ADGRL2: variants seen among roughly 807,000 people sequenced by gnomAD.
ADGRL2 encodes the protein calcium-independent alpha-latrotoxin receptor 2.
ADGRL2 carries 44 observed loss-of-function variants against 157.4 expected under a neutral mutation model. The ratio of observed to expected loss-of-function variants is 0.28; its 90% confidence interval spans 0.22 to 0.36. ADGRL2 has a LOEUF of 0.36. Among genes scored for constraint, ADGRL2 ranks in the 10% least tolerant of loss-of-function variants. The probability of loss-of-function intolerance (pLI) is 1.00; values close to 1 mark genes in which losing one functional copy is unlikely to be tolerated. For synonymous variants in ADGRL2, 585 were observed against 624.7 expected, an observed-to-expected ratio of 0.94 and a Z score of 0.95; for missense variants, 1,510 against 1,768.9, an observed-to-expected ratio of 0.85 and a Z score of 2.63.
chr1:81,541,053 T>A (rs1424171513), intron 2 of ADGRL2, among the ~76,000 whole-genome samples: 2 of 152,204 alleles, frequency 1.3e-5, no homozygotes, highest in Admixed American at 6.5e-5. Flanking sequence ...GTGAATGATA[T>A]ATTGCCCCTG....
At chr1:81,872,729 G>C (rs1172315297) in intron 2 of ADGRL2, among the ~76,000 whole-genome samples, 3 of 152,014 alleles carry the variant, frequency 2.0e-5, no homozygotes, top group Non-Finnish European at 4.4e-5. Flanking sequence ...GCCAAGAGAG[G>C]ACACTTAGCT....
In ADGRL2 at chr1:81,960,506, C is replaced by T. The variant is rs543873763; in HGVS notation, c.2017+4446C>T. Among the ~76,000 whole-genome samples, 12 of 150,546 alleles carry T rather than the reference C, an allele frequency of 8.0e-5. No homozygotes were observed. In the South Asian group the frequency reaches 2.5e-3, roughly 32 times the overall value. Reference sequence around the variant, plus strand: ...TTTTCTTTTTTTGAGCCAGAATCTTCCTCTGTTGCCCAGGCTGGAGTGCAG... The same window carrying T: ...TTTTCTTTTTTTGAGCCAGAATCTTTCTCTGTTGCCCAGGCTGGAGTGCAG... On this transcript the variant is annotated intron_variant, in intron 11 of 23. Transcript: ENST00000686636.
chr1:81,908,012 C>T lies in ADGRL2; in HGVS notation c.287+782C>T, dbSNP rs564800653. Among the ~76,000 whole-genome samples, 6 of 152,188 alleles carry T rather than the reference C, an allele frequency of 3.9e-5. No individual in the cohort carries two copies. The South Asian group carries it at 6.2e-4, about 16-fold the overall frequency. Reference sequence around the variant, plus strand: ...AGTGACCTCTTAGCCATCATCAAGTCGTAGTGTGACGCATTATCTTTTCTA... The same window carrying T: ...AGTGACCTCTTAGCCATCATCAAGTTGTAGTGTGACGCATTATCTTTTCTA... On this transcript the variant is annotated intron_variant, in intron 3 of 23. Transcript: ENST00000686636.
At chr1:81,952,953 TA>T in intron 9 of ADGRL2, 33 bp from the exon 10 acceptor site, 1 of 1,563,252 alleles carries the variant, frequency 6.4e-7, no homozygotes, top group Non-Finnish European at 8.8e-7. Flanking sequence ...GATAAAAATC[TA>T]ACCTCTGATT....
intron 17 of ADGRL2, among the ~76,000 whole-genome samples, chr1:81,976,835 G>GT (rs1182556996): frequency 4.0e-5 from 6 of 151,894 alleles, no homozygotes; most frequent in Non-Finnish European, 7.4e-5. Context: ...TCAGGCAGAA[G>GT]TCATTTGATG....
In ADGRL2 at chr1:81,343,087, C is replaced by CTTTTTT. The variant is rs764039251; in HGVS notation, c.-302+36582_-302+36583insTTTTTT. Among the ~76,000 whole-genome samples the CTTTTTT allele has an allele frequency of 1.0e-4, 13 of 127,482 alleles. 1 individual carries two copies. The highest frequency in any genetic ancestry group is 2.1e-4 in the African/African-American group (7 of 34,074). 83.6% of individuals were successfully genotyped at this position (127,482 alleles called of 152,430 possible). ...TTTTTCTTTTCTTTTTTTCTTTTTT[C>CTTTTTT]TTTTCTTTTTTTTTTTTTTGAGACA... is the stretch of plus-strand genomic sequence containing the variant. On this transcript the variant is annotated intron_variant, in intron 1 of 24. Coordinates refer to the ADGRL2 transcript ENST00000370721.
intron 1 of ADGRL2, among the ~76,000 whole-genome samples, chr1:81,438,490 G>T (rs2077449483): frequency 6.6e-6 from 1 of 152,194 alleles, no homozygotes; most frequent in Non-Finnish European, 1.5e-5. Flanking sequence ...GTACAATATA[G>T]ACTATCTCTT....
chr1:81,908,201 T>C lies in ADGRL2; in HGVS notation c.287+971T>C, dbSNP rs2094627424. 2.0e-5 allele frequency among the ~76,000 whole-genome samples: 3 copies of C among 152,212 alleles called. No individual in the cohort carries two copies. In the South Asian group the frequency reaches 6.2e-4, roughly 31 times the overall value. Reference sequence around the variant, plus strand: ...ACTATCTCAGTTTGTTTAAATACTCTCATTGCTGTTCCTGTAATGATAAAA... The same window carrying C: ...ACTATCTCAGTTTGTTTAAATACTCCCATTGCTGTTCCTGTAATGATAAAA... On this transcript the variant is annotated intron_variant, in intron 3 of 23. Transcript: ENST00000686636.
At chr1:81,861,145 C>G (rs1275708684) in intron 2 of ADGRL2, among the ~76,000 whole-genome samples, 7 of 151,930 alleles carry the variant, frequency 4.6e-5, no homozygotes, top group Admixed American at 1.3e-4. Flanking sequence ...CTCAGCCTCC[C>G]AAGTAGCTGG....
intron 2 of ADGRL2, among the ~76,000 whole-genome samples, chr1:81,509,808 G>A (rs1003498641): frequency 2.6e-5 from 4 of 152,182 alleles, no homozygotes; most frequent in African/African-American, 9.7e-5. Flanking sequence ...CATTTCTTGT[G>A]TGCAAACAGG....
intron 2 of ADGRL2, chr1:81,505,130 G>A (rs2078943401): frequency 2.0e-5 from 9 of 444,378 alleles, no homozygotes; most frequent in Middle Eastern, 6.4e-4. Context: ...AGATACCTCA[G>A]CCCGGTAAGC....
chr1:81,443,125 G>A (rs2077539024), intron 1 of ADGRL2, among the ~76,000 whole-genome samples: 1 of 152,014 alleles, frequency 6.6e-6, no homozygotes, highest in African/African-American at 2.4e-5. Context: ...CTGTTTAAAA[G>A]TTTACTGGAT....
rs150505670 is a variant in ADGRL2, at chr1:81,351,107, G to C, written c.-302+44598G>C. On this transcript the variant is annotated intron_variant, in intron 1 of 24. Transcript: ENST00000370721. ...TGTCCCCTTAAGCCTTTTAAGGGTC[G>C]CTTAGCATTTCCATTACAAATCTTG... Among the ~76,000 whole-genome samples, 189 of 152,170 alleles carry C rather than the reference G, an allele frequency of 1.2e-3. 1 individual carries two copies. Among genetic ancestry groups the C allele is most frequent in the African/African-American group, 4.4e-3 (182 of 41,530 alleles).
intron 1 of ADGRL2, among the ~76,000 whole-genome samples, chr1:81,756,765 C>T (rs1392028640): frequency 6.6e-6 from 1 of 152,048 alleles, no homozygotes; most frequent in African/African-American, 2.4e-5. Flanking sequence ...CAACAAATAA[C>T]AGAATTTTAA....
At chr1:81,784,389 T>G (rs1219360613) in intron 2 of ADGRL2, among the ~76,000 whole-genome samples, 1 of 152,152 alleles carries the variant, frequency 6.6e-6, no homozygotes, top group East Asian at 1.9e-4. Flanking sequence ...CTGTAGAATT[T>G]TAAATAAGAA....
Position 81,951,015 on chromosome 1 carries a change from T to C in ADGRL2, c.1505-3T>C. 5.0e-6 allele frequency: 8 copies of C among 1,601,138 alleles called. No homozygotes were observed. Among genetic ancestry groups the C allele is most frequent in the Non-Finnish European group, 6.8e-6 (8 of 1,168,562 alleles). On this transcript the variant is annotated splice_region_variant and splice_polypyrimidine_tract_variant and intron_variant, in intron 7 of 23. Transcript: ENST00000686636. ...TCACTGTTGTTTTCTACATCTGTTG[T>C]AGGAACTGCCTCATATCTCTGCATG...
intron 2 of ADGRL2, among the ~76,000 whole-genome samples, chr1:81,770,620 T>C (rs1281136740): frequency 6.6e-6 from 1 of 152,010 alleles, no homozygotes; most frequent in Non-Finnish European, 1.5e-5. Context: ...ATTACAGGCA[T>C]GCACCATCAC....
chr1:81,506,264 T>C (rs972056776), intron 2 of ADGRL2: 10 of 152,282 alleles, frequency 6.6e-5, no homozygotes, highest in African/African-American at 2.4e-4. Context: ...AAGGTTCATT[T>C]AAAATTCCAT....
chr1:81,480,552 G>T (rs954252239), intron 2 of ADGRL2, among the ~76,000 whole-genome samples: 17 of 151,992 alleles, frequency 1.1e-4, no homozygotes, highest in Non-Finnish European at 1.8e-4. Context: ...TAAGAAAGAT[G>T]GAAAATATTT....
Sources: gnomAD v4.1 joint callset for allele counts (sites outside exome capture counted in the v4.1 genomes callset) on GRCh38, gnomAD v4.1.1 for gene constraint, MANE v1.5 for transcripts, NCBI Gene and HGNC (gene_info 2026-07-23, HGNC 2026-07-21) for gene names.